Variants in SERPINB11 observed in about 807,000 individuals in gnomAD.
SERPINB11 encodes serpin B11.
A neutral mutation model predicts 36.7 loss-of-function variants in SERPINB11; 32 were observed. That is an observed-to-expected ratio of 0.87 (90% CI 0.66 to 1.17). The LOEUF (loss-of-function observed/expected upper bound fraction) is 1.17. Ranked by LOEUF, SERPINB11 falls within the 50% of genes most tolerant of loss-of-function variation. SERPINB11 has a pLI of 0.00. For missense variants in SERPINB11, 528 were observed against 458.4 expected (o/e 1.15, Z -1.39); for synonymous variants, 174 against 168.1 (o/e 1.04, Z -0.27).
intron 5 of SERPINB11, among the ~76,000 whole-genome samples, chr18:63,717,923 T>C (rs1266394845): frequency 1.3e-5 from 2 of 152,060 alleles, no homozygotes. Context: ...GAAAGTATTT[T>C]CTAGTTTGTG....
At chr18:63,722,876 A>T in intron 7 of SERPINB11, 119 bp from the exon 8 acceptor site, 1 of 1,017,036 alleles carries the variant, frequency 9.8e-7, no homozygotes, top group Non-Finnish European at 1.4e-6. Flanking sequence ...AGACTGTATT[A>T]AAGGTAGAAA....
Position 63,710,189 on chromosome 18 carries a change from T to A in SERPINB11, c.-5T>A, listed in dbSNP as rs2144534489. 1 of 1,603,264 alleles carries A rather than the reference T, an allele frequency of 6.2e-7. No individual in the cohort carries two copies. Among genetic ancestry groups the A allele is most frequent in the African/African-American group, 1.3e-5 (1 of 74,612 alleles). On this transcript the variant is annotated 5_prime_UTR_variant, in exon 2 of 8. Coordinates refer to ENST00000544088, the MANE Select transcript of SERPINB11 (RefSeq NM_001370475.1). ...CCCTTCTGTTCTCAGGCAGTCGGCA[T>A]AAAAATGGGTTCTCTCAGCACAGCT...
chr18:63,723,349 C>T lies in SERPINB11; in HGVS notation c.1129C>T (p.His377Tyr). The T allele has an allele frequency of 1.2e-6, 2 of 1,613,736 alleles. No individual in the cohort carries two copies. Among genetic ancestry groups the T allele is most frequent in the Admixed American group, 1.7e-5 (1 of 60,010 alleles). ...CCACCCCTTCCTTTTCTTTATAAGG[C>T]ACACTCATACCAACACGATCCTATT... ...ANHPFLFFIR[H>Y]THTNTILFCG... The change falls in exon 8 of 8, where the codon CAC (histidine) becomes TAC (tyrosine). Residue 377 changes from histidine to tyrosine, a missense_variant. Physicochemically the swap from His to Tyr is moderately conservative, Grantham distance 83. Coordinates refer to ENST00000544088, the MANE Select transcript of SERPINB11 (RefSeq NM_001370475.1).
At chr18:63,717,859 ATAGT>A (rs1914708214) in intron 5 of SERPINB11, among the ~76,000 whole-genome samples, 2 of 152,052 alleles carry the variant, frequency 1.3e-5, no homozygotes, top group African/African-American at 4.8e-5. Context: ...CTTTTCCTTT[ATAGT>A]TAGTGTCTTT....
Position 63,720,057 on chromosome 18 carries a change from T to A in SERPINB11, c.520T>A (p.Ser174Thr), listed in dbSNP as rs745799585. Residue 174 changes from serine to threonine, a missense_variant, in exon 6 of 8, where the codon TCT becomes ACT. By Grantham distance (58) the Ser-to-Thr change is moderately conservative (BLOSUM62 1). Transcript: ENST00000544088. ...TGGAAAGAGCACAATTGACCCTTCA[T>A]CTGTAATGGTCCTGGTGAATGCCAT... is the stretch of plus-strand genomic sequence containing the variant. ...LFGKSTIDPSSVMVLVNAIYF... is the reference protein window; with the variant it reads ...LFGKSTIDPSTVMVLVNAIYF... 1 of 1,609,746 alleles carries A rather than the reference T, an allele frequency of 6.2e-7. No homozygotes were observed. Among genetic ancestry groups the A allele is most frequent in the Non-Finnish European group, 8.5e-7 (1 of 1,177,150 alleles).
intron 5 of SERPINB11, among the ~76,000 whole-genome samples, chr18:63,716,746 T>G (rs1315200260): frequency 1.3e-5 from 2 of 151,944 alleles, no homozygotes; most frequent in Admixed American, 6.6e-5. Context: ...TTAAAAATAA[T>G]CCTTTAATGT....
intron 7 of SERPINB11, 78 bp from the exon 8 acceptor site, chr18:63,722,917 A>G: frequency 7.2e-7 from 1 of 1,390,990 alleles, no homozygotes; most frequent in Non-Finnish European, 9.6e-7. Context: ...TCACACTGAG[A>G]ATTATAAAAA....
At chr18:63,718,975 G>A (rs1914736830) in intron 5 of SERPINB11, among the ~76,000 whole-genome samples, 1 of 151,864 alleles carries the variant, frequency 6.6e-6, no homozygotes, top group Admixed American at 6.6e-5. Flanking sequence ...AGAGTCTGAG[G>A]CTTAAACTTA....
chr18:63,706,718 C>T (rs1462620753), intron 1 of SERPINB11, among the ~76,000 whole-genome samples: 4 of 152,256 alleles, frequency 2.6e-5, no homozygotes, highest in Non-Finnish European at 5.9e-5. Context: ...GAAGACTCAA[C>T]TAAAATGGCT....
rs746172899 is a variant in SERPINB11, at chr18:63,711,317, CT to C, written c.169-10del. ...CATTGCTTCTGATGCCAAAAGATCC[CT>C]TTTTTTTCTTTTCTAGGTGCTTCAT... On this transcript the variant is annotated splice_polypyrimidine_tract_variant and intron_variant, in intron 2 of 7. Coordinates refer to ENST00000544088, the MANE Select transcript of SERPINB11 (RefSeq NM_001370475.1). The C allele has an allele frequency of 2.1e-5, 34 of 1,584,986 alleles. No homozygotes were observed. The highest frequency in any genetic ancestry group is 3.3e-4 in the Middle Eastern group (2 of 5,988).
chr18:63,716,910 T>TA (rs1914683774), intron 5 of SERPINB11, among the ~76,000 whole-genome samples: 1 of 152,054 alleles, frequency 6.6e-6, no homozygotes, highest in Non-Finnish European at 1.5e-5. Context: ...TACATACATA[T>TA]AGAAAAGTAA....
intron 7 of SERPINB11, 106 bp from the exon 8 acceptor site, chr18:63,722,889 G>A (rs959953672): frequency 1.1e-5 from 13 of 1,156,586 alleles, no homozygotes; most frequent in Middle Eastern, 2.1e-4. Context: ...GGTAGAAAAA[G>A]TGATGAAGTT....
intron 1 of SERPINB11, among the ~76,000 whole-genome samples, chr18:63,709,759 A>G (rs901251686): frequency 2.0e-5 from 3 of 152,234 alleles, no homozygotes; most frequent in Non-Finnish European, 4.4e-5. Flanking sequence ...AAAAGCGGGT[A>G]GTCTAGTGGG....
chr18:63,716,485 A>G (rs1914671350), intron 5 of SERPINB11, among the ~76,000 whole-genome samples: 1 of 152,158 alleles, frequency 6.6e-6, no homozygotes, highest in Non-Finnish European at 1.5e-5. Flanking sequence ...TTGGTTAAGG[A>G]AAAATTTAAG....
In SERPINB11 at chr18:63,712,682, G is replaced by A. The variant is rs574415754; in HGVS notation, c.346G>A (p.Ala116Thr). The A allele has an allele frequency of 1.6e-4, 265 of 1,613,388 alleles. 2 individuals carry two copies. In the South Asian group the frequency reaches 2.6e-3, roughly 16 times the overall value. ...ANRLYGTKTMAFHQQYLSCSE... is the reference protein window; with the variant it reads ...ANRLYGTKTMTFHQQYLSCSE... ...CAGGCTCTACGGGACAAAGACGATG[G>A]CATTTCATCAGGTAAGTCCATTTGG... Residue 116 changes from alanine (A) to threonine (T), a missense_variant, in exon 4 of 8, where the codon GCA becomes ACA. Physicochemically the swap from Ala to Thr is moderately conservative, Grantham distance 58. Transcript: ENST00000544088.
intron 1 of SERPINB11, 38 bp from the exon 2 acceptor site, chr18:63,710,141 A>C: frequency 6.6e-7 from 1 of 1,507,944 alleles, no homozygotes; most frequent in Non-Finnish European, 8.9e-7. Context: ...CTGTAACTTC[A>C]AGTGATGTTC....
At position 63,723,352 on chromosome 18, in the gene SERPINB11, ACT is replaced by A. The variant is rs1280966401; in HGVS notation, c.1134_1135del (p.His379TyrfsTer19). 1.2e-6 allele frequency: 2 copies of A among 1,613,670 alleles called. No individual in the cohort carries two copies. The highest frequency in any genetic ancestry group is 1.1e-5 in the South Asian group (1 of 91,034). ...CCCCTTCCTTTTCTTTATAAGGCAC[ACT>A]CATACCAACACGATCCTATTCTGTG... ...NHPFLFFIRHTHTNTILFCGK... is the reference protein window; with the variant it reads ...NHPFLFFIRHXHTNTILFCGK... On this transcript the variant is annotated frameshift_variant, in exon 8 of 8. Transcript: ENST00000544088. LOFTEE classifies it high-confidence loss of function.
chr18:63,712,688 C>CATCAGGTA lies in SERPINB11; in HGVS notation c.354_357+4dup, dbSNP rs760239610. On this transcript the variant is annotated frameshift_variant, in exon 4 of 8. Coordinates refer to ENST00000544088, the MANE Select transcript of SERPINB11 (RefSeq NM_001370475.1). LOFTEE classifies it high-confidence loss of function. ...CTACGGGACAAAGACGATGGCATTT[C>CATCAGGTA]ATCAGGTAAGTCCATTTGGAAGAGT... 1.5e-4 allele frequency: 246 copies of CATCAGGTA among 1,613,476 alleles called. 3 individuals are homozygous for CATCAGGTA. The Admixed American group carries it at 3.8e-3, about 25-fold the overall frequency.
intron 5 of SERPINB11, among the ~76,000 whole-genome samples, chr18:63,717,633 A>G (rs912307948): frequency 1.3e-5 from 2 of 151,930 alleles, no homozygotes; most frequent in African/African-American, 2.4e-5. Flanking sequence ...CATATGCTGC[A>G]TATCCTCCTT....
Sources: gnomAD v4.1 joint callset for allele counts (sites outside exome capture counted in the v4.1 genomes callset) on GRCh38, gnomAD v4.1.1 for gene constraint, MANE v1.5 for transcripts, NCBI Gene and HGNC (gene_info 2026-07-23, HGNC 2026-07-21) for gene names.